The following BNIP3 variants were observed in gnomAD, a reference collection of about 807,000 sequenced individuals.
BNIP3 encodes BCL2 interacting protein 3.
Under a neutral mutation model 23.9 loss-of-function variants are expected in BNIP3, and 16 were observed. The ratio of observed to expected loss-of-function variants is 0.67; its 90% CI spans 0.45 to 1.01. The LOEUF is 1.01. Ranked by LOEUF, BNIP3 falls within the 50% of genes least tolerant of loss-of-function variation. The pLI is 0.00. For synonymous variants in BNIP3, 81 were observed against 89.3 expected (o/e 0.91, Z 0.53); for missense variants, 198 against 248.7 (o/e 0.80, Z 1.37).
At chr10:131,971,848 A>G (rs1373615760) in intron 3 of BNIP3, among the ~76,000 whole-genome samples, 1 of 152,148 alleles carries the variant, frequency 6.6e-6, no homozygotes, top group Non-Finnish European at 1.5e-5. Context: ...GGGCCAGGGG[A>G]TGTCCCTGAG....
chr10:131,974,649 G>A (rs2037066432), intron 1 of BNIP3, among the ~76,000 whole-genome samples: 2 of 152,350 alleles, frequency 1.3e-5, no homozygotes, highest in East Asian at 1.9e-4. Context: ...CAGTGTGCTG[G>A]GATTACAGGC....
rs745373486 is a variant in BNIP3 at position 131,970,592 on chromosome 10, G to GC, written c.539+45dup. On this transcript the variant is annotated intron_variant, in intron 5 of 5. Transcript: ENST00000368636. The surrounding 1 kb of genome is among the most constrained non-coding windows in gnomAD (Gnocchi z 4.1). ...GAATAAATCACTGCAACCCAGAATC[G>GC]CCCCACGACATGCCATGACAGGAGT... The GC allele has an allele frequency of 6.3e-7, 1 of 1,596,936 alleles. No homozygotes were observed. Among genetic ancestry groups the GC allele is most frequent in the Non-Finnish European group, 8.5e-7 (1 of 1,170,670 alleles).
intron 1 of BNIP3, 71 bp downstream of exon 1, chr10:131,981,690 G>A (rs763309519): frequency 2.0e-4 from 287 of 1,430,588 alleles, no homozygotes; most frequent in Non-Finnish European, 2.5e-4. Flanking sequence ...CCTCCCCTTG[G>A]CGCCCTCTTG....
chr10:131,977,425 T>C (rs1247653091), intron 1 of BNIP3, among the ~76,000 whole-genome samples: 1 of 152,066 alleles, frequency 6.6e-6, no homozygotes. Flanking sequence ...GAGAGACAAG[T>C]GTATCTCTGT....
chr10:131,975,520 A>G (rs2037072933), intron 1 of BNIP3, among the ~76,000 whole-genome samples: 1 of 152,062 alleles, frequency 6.6e-6, no homozygotes, highest in African/African-American at 2.4e-5. Flanking sequence ...AAACCAACAC[A>G]GCACTAATAA....
rs539833476 is a variant in BNIP3, at chr10:131,974,330, A to C, written c.47-387T>G. Among the ~76,000 whole-genome samples the C allele has an allele frequency of 1.2e-4, 18 of 152,308 alleles. No individual in the cohort carries two copies. In the East Asian group the frequency reaches 1.5e-3, roughly 13 times the overall value. ...GAGGTCTTTAAAAAAAACAACAACA[A>C]CACTAATGTCAACATAAGCTTAAGG... is the stretch of plus-strand genomic sequence containing the variant. On this transcript the variant is annotated intron_variant, in intron 1 of 5. Transcript: ENST00000368636.
At chr10:131,968,769 C>CTT (rs2036994006) in intron 5 of BNIP3, 200 bp from the exon 6 acceptor site, 1 of 494,474 alleles carries the variant, frequency 2.0e-6, no homozygotes, top group Admixed American at 3.3e-5. Flanking sequence ...TATTAATTAA[C>CTT]TTAGAAAACA....
chr10:131,970,821 CCT>C lies in BNIP3; in HGVS notation c.390-36_390-35del. The C allele has an allele frequency of 6.2e-7, 1 of 1,614,226 alleles. No homozygotes were observed. Among genetic ancestry groups the C allele is most frequent in the Non-Finnish European group, 8.5e-7 (1 of 1,180,040 alleles). On this transcript the variant is annotated intron_variant, in intron 4 of 5. Coordinates refer to ENST00000368636, the MANE Select transcript of BNIP3 (RefSeq NM_004052.4). This position sits in a 1 kb window ranked among gnomAD's most constrained non-coding sequence, Gnocchi z 4.1. Reference sequence around the variant, plus strand: ...GGAAGAAACGTGTCAGCTGATGTGTCCTCTGTCAAGGGGTGCCCCCGTGACAC... The same window carrying C: ...GGAAGAAACGTGTCAGCTGATGTGTCCTGTCAAGGGGTGCCCCCGTGACAC...
intron 1 of BNIP3, among the ~76,000 whole-genome samples, chr10:131,974,412 G>C (rs1304886178): frequency 2.6e-5 from 4 of 152,248 alleles, no homozygotes; most frequent in Non-Finnish European, 4.4e-5. Context: ...TTTCGAGACG[G>C]AGTCTCGCTT....
chr10:131,970,279 C>T lies in BNIP3; in HGVS notation c.539+359G>A, dbSNP rs1296037024. Reference sequence around the variant, plus strand: ...GCAGGTAACTGAGACCCTCCACCTACAGCAGAGCTGGGTGCATTCCCGCCA... The same window carrying T: ...GCAGGTAACTGAGACCCTCCACCTATAGCAGAGCTGGGTGCATTCCCGCCA... On this transcript the variant is annotated intron_variant, in intron 5 of 5. Transcript: ENST00000368636. The surrounding 1 kb of genome is among the most constrained non-coding windows in gnomAD (Gnocchi z 4.1). The T allele has an allele frequency of 3.8e-6, 1 of 261,282 alleles. No individual in the cohort carries two copies. Among genetic ancestry groups the T allele is most frequent in the Admixed American group, 5.0e-5 (1 of 19,804 alleles). The allele number at this position is 261,282 out of a possible 1,614,324, so 16.2% of individuals were successfully genotyped here.
At chr10:131,981,720 C>G (rs746723241) in intron 1 of BNIP3, 41 bp downstream of exon 1, 67 of 1,462,320 alleles carry the variant, frequency 4.6e-5, no homozygotes, top group Non-Finnish European at 5.9e-5. Flanking sequence ...AGGCTTCCCC[C>G]CCGCGCCCCC....
intron 5 of BNIP3, chr10:131,969,771 G>A (rs45545137): frequency 0.14 from 20,952 of 149,528 alleles, 1,526 homozygotes; most frequent in Non-Finnish European, 0.16. Context: ...GCTGGGACCA[G>A]CCCGAGGAGG....
At chr10:131,978,246 AG>A (rs2037094577) in intron 1 of BNIP3, among the ~76,000 whole-genome samples, 2 of 152,108 alleles carry the variant, frequency 1.3e-5, no homozygotes, top group Non-Finnish European at 2.9e-5. Flanking sequence ...TCCTATATCA[AG>A]GTAGATGAGA....
chr10:131,969,564 G>A (rs1221876919), intron 5 of BNIP3: 1 of 152,260 alleles, frequency 6.6e-6, no homozygotes, highest in African/African-American at 2.4e-5. Context: ...TGGAGACACG[G>A]GCAGCGCTCA....
rs576316056 is a variant in BNIP3 at position 131,970,758 on chromosome 10, G to A, written c.419C>T (p.Thr140Met). Residue 140 changes from threonine (T) to methionine (M), a missense_variant, in exon 5 of 6, where the codon ACG becomes ATG. Transcript: ENST00000368636. This position sits in a 1 kb window ranked among gnomAD's most constrained non-coding sequence, Gnocchi z 4.1. ...KEFLFKHPKR[T>M]ATLSMRNTSV... is the part of the protein sequence containing the mutation. The stretch of plus-strand genomic sequence containing the variant: ...CGTGTTCCTCATGCTGAGGGTGGCC[G>A]TGCGCTTCGGGTGTTTAAAGAGGAA... 5.0e-6 allele frequency: 8 copies of A among 1,614,188 alleles called. No individual in the cohort carries two copies. Among genetic ancestry groups the A allele is most frequent in the East Asian group, 2.2e-5 (1 of 44,874 alleles).
At chr10:131,968,715 C>T (rs963332762) in intron 5 of BNIP3, 146 bp from the exon 6 acceptor site, 2 of 609,660 alleles carry the variant, frequency 3.3e-6, no homozygotes, top group African/African-American at 3.7e-5. Flanking sequence ...TGTAATGAAT[C>T]TATCTGTGAT....
chr10:131,968,760 A>G, intron 5 of BNIP3, 191 bp from the exon 6 acceptor site: 1 of 511,006 alleles, frequency 2.0e-6, no homozygotes, highest in Non-Finnish European at 3.5e-6. Flanking sequence ...TGTATTTTGT[A>G]TTAATTAACT....
At chr10:131,978,841 C>A (rs2037098124) in intron 1 of BNIP3, among the ~76,000 whole-genome samples, 1 of 152,170 alleles carries the variant, frequency 6.6e-6, no homozygotes, top group African/African-American at 2.4e-5. Flanking sequence ...GGAACTAGCA[C>A]CCCAAAACCA....
intron 1 of BNIP3, among the ~76,000 whole-genome samples, chr10:131,978,230 C>T (rs1391472137): frequency 6.6e-6 from 1 of 152,066 alleles, no homozygotes; most frequent in East Asian, 1.9e-4. Context: ...GTAAATCTTA[C>T]CTCCCTCCTA....
Sources: gnomAD v4.1 joint callset for allele counts (sites outside exome capture counted in the v4.1 genomes callset) on GRCh38, gnomAD v4.1.1 for gene constraint, Gnocchi (gnomAD v3.1) non-coding constraint, MANE v1.5 for transcripts, NCBI Gene and HGNC (gene_info 2026-07-23, HGNC 2026-07-21) for gene names.